BCL7C: variants seen among roughly 807,000 people sequenced by gnomAD.
BCL7C encodes BAF chromatin remodeling complex subunit BCL7C, also known as B-cell CLL/lymphoma 7 protein family member C.
A neutral mutation model predicts 26.2 loss-of-function variants in BCL7C; 8 were observed. The observed-to-expected ratio is 0.30, with a 90% CI of 0.18 to 0.55. The LOEUF is 0.55. Ranked by LOEUF, BCL7C falls within the 20% of genes least tolerant of loss-of-function variation. BCL7C has a pLI of 0.93. For missense variants in BCL7C, 262 were observed against 298.5 expected (o/e 0.88, Z 0.90); for synonymous variants, 90 against 116.5 (o/e 0.77, Z 1.47).
chr16:30,871,025 G>A (rs1021337073), intron 5 of BCL7C, among the ~76,000 whole-genome samples: 1 of 152,248 alleles, frequency 6.6e-6, no homozygotes, highest in Non-Finnish European at 1.5e-5. Flanking sequence ...CTGACACATA[G>A]TAACTCGGTG....
intron 5 of BCL7C, among the ~76,000 whole-genome samples, chr16:30,871,963 C>A (rs954292633): frequency 6.6e-6 from 1 of 152,052 alleles, no homozygotes; most frequent in Non-Finnish European, 1.5e-5. Flanking sequence ...TGAGTTAAAT[C>A]GGTGTTGAAC....
chr16:30,873,278 A>G (rs1157284241), intron 5 of BCL7C, among the ~76,000 whole-genome samples: 1 of 152,226 alleles, frequency 6.6e-6, no homozygotes. Flanking sequence ...CAGTCAAAAA[A>G]GGCCACATAA....
intron 5 of BCL7C, among the ~76,000 whole-genome samples, chr16:30,841,017 C>T (rs1456729891): frequency 2.0e-5 from 3 of 152,102 alleles, no homozygotes; most frequent in Non-Finnish European, 2.9e-5. Flanking sequence ...AATGGTCTCC[C>T]TCATCTCTCC....
chr16:30,866,422 C>T (rs1460407329), intron 5 of BCL7C, among the ~76,000 whole-genome samples: 1 of 151,796 alleles, frequency 6.6e-6, no homozygotes, highest in Non-Finnish European at 1.5e-5. Flanking sequence ...ACTAAAAATA[C>T]AAAAATTAGC....
chr16:30,881,951 AT>A (rs988010304), intron 5 of BCL7C, among the ~76,000 whole-genome samples: 71 of 144,722 alleles, frequency 4.9e-4, no homozygotes, highest in African/African-American at 6.6e-4. Context: ...GAGGGCAGGG[AT>A]TTTTTTTTTT....
intron 5 of BCL7C, chr16:30,851,632 C>T (rs997643328): frequency 7.2e-6 from 4 of 551,834 alleles, no homozygotes; most frequent in East Asian, 6.5e-5. Flanking sequence ...GCAGGCCTTG[C>T]AGTTTTTGGT....
At chr16:30,841,079 A>G (rs982255833) in intron 5 of BCL7C, among the ~76,000 whole-genome samples, 1 of 152,134 alleles carries the variant, frequency 6.6e-6, no homozygotes, top group African/African-American at 2.4e-5. Flanking sequence ...GAACTGACCT[A>G]ATCTGCTCAC....
chr16:30,850,853 G>GTA (rs1311750353), intron 5 of BCL7C, among the ~76,000 whole-genome samples: 1 of 152,090 alleles, frequency 6.6e-6, no homozygotes, highest in Non-Finnish European at 1.5e-5. Context: ...TATGAACACT[G>GTA]TATATATAGG....
Position 30,893,120 on chromosome 16 carries a change from G to C in BCL7C, c.171+92C>G. The C allele has an allele frequency of 7.3e-7, 1 of 1,378,300 alleles. No individual in the cohort carries two copies. The highest frequency in any genetic ancestry group is 1.0e-6 in the Non-Finnish European group (1 of 988,246). 85.4% of individuals were successfully genotyped at this position (1,378,300 alleles called of 1,614,324 possible). On this transcript the variant is annotated intron_variant, in intron 2 of 5. Transcript: ENST00000215115. This position sits in a 1 kb window ranked among gnomAD's most constrained non-coding sequence, Gnocchi z 5.2. Reference sequence around the variant, plus strand: ...TCCCGTCTGTCCTGCTGCATCTGAGGTCTCGGGGAGCTGGAGGTAGAGGTC... The same window carrying C: ...TCCCGTCTGTCCTGCTGCATCTGAGCTCTCGGGGAGCTGGAGGTAGAGGTC...
chr16:30,887,807 C>T lies in BCL7C; in HGVS notation c.*58G>A. 1 of 1,530,064 alleles carries T rather than the reference C, an allele frequency of 6.5e-7. No individual in the cohort carries two copies. The highest frequency in any genetic ancestry group is 8.7e-7 in the Non-Finnish European group (1 of 1,145,096). 94.8% of individuals were successfully genotyped at this position (1,530,064 alleles called of 1,614,324 possible). A position where few individuals can be genotyped will look rare whatever the true frequency, so the allele number is the denominator to read the frequency against. On this transcript the variant is annotated 3_prime_UTR_variant, in exon 6 of 6. Transcript: ENST00000215115. ...ACATGACACAAAATTACAAAAGGGT[C>T]TTTATTTGTAAAAAGCCAAAGGGGC...
intron 5 of BCL7C, among the ~76,000 whole-genome samples, chr16:30,866,672 G>A (rs929667709): frequency 6.6e-6 from 1 of 151,876 alleles, no homozygotes; most frequent in Non-Finnish European, 1.5e-5. Context: ...AAACATTAAT[G>A]AAATGTAAAT....
intron 5 of BCL7C, among the ~76,000 whole-genome samples, chr16:30,877,781 C>T (rs2054972698): frequency 6.6e-6 from 1 of 152,130 alleles, no homozygotes. Flanking sequence ...TTAATGTTGC[C>T]AACATGTTCA....
intron 5 of BCL7C, among the ~76,000 whole-genome samples, chr16:30,870,302 T>C (rs922899976): frequency 2.6e-5 from 4 of 152,154 alleles, no homozygotes; most frequent in East Asian, 1.9e-4. Flanking sequence ...ACCCTTTTCA[T>C]AGTGGTCTTT....
chr16:30,836,543 T>C (rs1292752655), intron 5 of BCL7C, among the ~76,000 whole-genome samples: 5 of 149,782 alleles, frequency 3.3e-5, no homozygotes, highest in Non-Finnish European at 7.4e-5. Context: ...AGTACAATCA[T>C]GGCTCACTGA....
At chr16:30,888,829 C>T (rs1243070845) in intron 5 of BCL7C, 31 bp downstream of exon 5, 1 of 1,608,420 alleles carries the variant, frequency 6.2e-7, no homozygotes, top group African/African-American at 1.3e-5. Context: ...CCCTCCAAGA[C>T]CCAGGAGTCC....
chr16:30,865,212 C>A (rs976493959), intron 5 of BCL7C, among the ~76,000 whole-genome samples: 1 of 151,734 alleles, frequency 6.6e-6, no homozygotes, highest in African/African-American at 2.4e-5. Context: ...TAATACTCTC[C>A]CCACCCTTGA....
At chr16:30,849,054 G>A (rs1234313596) in intron 5 of BCL7C, among the ~76,000 whole-genome samples, 1 of 151,978 alleles carries the variant, frequency 6.6e-6, no homozygotes, top group Non-Finnish European at 1.5e-5. Flanking sequence ...AGGCGTGGTG[G>A]TGGGCGCCTG....
chr16:30,879,264 T>A (rs917176097), intron 5 of BCL7C, among the ~76,000 whole-genome samples: 1 of 152,148 alleles, frequency 6.6e-6, no homozygotes, highest in Non-Finnish European at 1.5e-5. Context: ...TTGGGGAGAC[T>A]GATGCCACAG....
intron 5 of BCL7C, among the ~76,000 whole-genome samples, chr16:30,865,727 C>CTTT (rs11333293): frequency 1.5e-5 from 1 of 66,722 alleles, no homozygotes; most frequent in Admixed American, 1.6e-4. Context: ...CTTTTTTTTT[C>CTTT]TTTTTTTTTT....
Sources: allele counts gnomAD v4.1 joint callset (sites outside exome capture counted in the v4.1 genomes callset), GRCh38; gene constraint gnomAD v4.1.1; non-coding constraint Gnocchi (gnomAD v3.1); transcripts MANE v1.5; gene names NCBI Gene and HGNC (gene_info 2026-07-23, HGNC 2026-07-21).